Variants in FAM135A observed in about 807,000 individuals in gnomAD.
The protein encoded by FAM135A is family with sequence similarity 135 member A.
FAM135A carries 79 observed loss-of-function variants against 146.8 expected under a neutral mutation model. The ratio of observed to expected loss-of-function variants is 0.54; its 90% CI spans 0.45 to 0.65. The LOEUF (loss-of-function observed/expected upper bound fraction) is 0.65, where lower values mean the gene tolerates loss of function less well. Among genes scored for constraint, FAM135A ranks in the 30% least tolerant of loss-of-function variants. The pLI, the probability that FAM135A is intolerant of heterozygous loss-of-function variation, is 0.00. For missense variants in FAM135A, 1,623 were observed against 1,758.2 expected (o/e 0.92, Z 1.38); for synonymous variants, 562 against 603.6 (o/e 0.93, Z 1.01).
In FAM135A at chr6:70,475,693, C is replaced by G; in HGVS notation, c.328C>G (p.Leu110Val). The stretch of plus-strand genomic sequence containing the variant: ...AGAAACCCTTGAGGAAATGAATTTT[C>G]TATTATCCTTGGATCTACACTTCAC... ...IEETLEEMNF[L>V]LSLDLHFTDG... The change falls in exon 7 of 22, where the codon CTA (leucine) becomes GTA (valine). Residue 110 changes from leucine (L) to valine (V), a missense_variant. Transcript: ENST00000418814. The G allele has an allele frequency of 6.5e-7, 1 of 1,542,558 alleles. No individual in the cohort carries two copies. The highest frequency in any genetic ancestry group is 8.8e-7 in the Non-Finnish European group (1 of 1,142,754).
chr6:70,459,001 T>C (rs1778913476), intron 5 of FAM135A, among the ~76,000 whole-genome samples: 1 of 152,192 alleles, frequency 6.6e-6, no homozygotes, highest in Admixed American at 6.5e-5. Flanking sequence ...TTTAACTGAC[T>C]TTTAATAAAT....
At chr6:70,443,556 T>G (rs1200649208) in intron 4 of FAM135A, among the ~76,000 whole-genome samples, 1 of 152,236 alleles carries the variant, frequency 6.6e-6, no homozygotes, top group African/African-American at 2.4e-5. Context: ...TTTCTCAGAA[T>G]GTATTCCTGT....
chr6:70,437,951 A>G (rs932266740), intron 4 of FAM135A, among the ~76,000 whole-genome samples: 8 of 152,190 alleles, frequency 5.3e-5, no homozygotes, highest in African/African-American at 1.9e-4. Context: ...AAAATTTTTA[A>G]TCATTCTTTC....
chr6:70,448,418 G>A (rs776365106), intron 4 of FAM135A, among the ~76,000 whole-genome samples: 1 of 152,146 alleles, frequency 6.6e-6, no homozygotes, highest in Non-Finnish European at 1.5e-5. Flanking sequence ...TGATGCTTCT[G>A]AGCTCCCCTT....
chr6:70,464,549 CT>C (rs1780001711), intron 5 of FAM135A, among the ~76,000 whole-genome samples: 2 of 151,700 alleles, frequency 1.3e-5, no homozygotes, highest in Non-Finnish European at 2.9e-5. Flanking sequence ...ACGTTTAGGT[CT>C]TTTGTTTCCC....
intron 3 of FAM135A, among the ~76,000 whole-genome samples, chr6:70,427,699 T>G (rs1043814170): frequency 2.0e-5 from 3 of 152,210 alleles, no homozygotes; most frequent in Admixed American, 6.5e-5. Context: ...AAGTATGTAT[T>G]TCAGTGGATG....
chr6:70,489,713 T>A (rs1785493431), intron 10 of FAM135A, among the ~76,000 whole-genome samples: 1 of 152,176 alleles, frequency 6.6e-6, no homozygotes, highest in African/African-American at 2.4e-5. Context: ...CAATCATGTT[T>A]TAGATGATCC....
intron 15 of FAM135A, 64 bp downstream of exon 15, chr6:70,526,762 C>CACAG: frequency 7.8e-6 from 5 of 644,770 alleles, no homozygotes; most frequent in Non-Finnish European, 9.2e-6. Context: ...CACACACACA[C>CACAG]ACATACACAC....
At chr6:70,499,959 G>A (rs933781989) in intron 11 of FAM135A, among the ~76,000 whole-genome samples, 1 of 151,880 alleles carries the variant, frequency 6.6e-6, no homozygotes, top group African/African-American at 2.4e-5. Flanking sequence ...GTGTTCTTGG[G>A]GTTGCTCTTC....
chr6:70,443,903 CT>C (rs1460444383), intron 4 of FAM135A, among the ~76,000 whole-genome samples: 1 of 152,046 alleles, frequency 6.6e-6, no homozygotes, highest in Non-Finnish European at 1.5e-5. Context: ...TTAAATTTTC[CT>C]TGGTAATTCC....
chr6:70,526,750 TACACACACAC>T, intron 15 of FAM135A, 52 bp downstream of exon 15: 1 of 851,302 alleles, frequency 1.2e-6, no homozygotes, highest in Non-Finnish European at 1.7e-6. Flanking sequence ...CATATATATA[TACACACACAC>T]ACACATACAC....
At chr6:70,444,065 C>T (rs556284208) in intron 4 of FAM135A, among the ~76,000 whole-genome samples, 41 of 152,228 alleles carry the variant, frequency 2.7e-4, no homozygotes, top group Admixed American at 1.3e-3. Flanking sequence ...ATTTTTTTAT[C>T]GCTTACTTCA....
intron 2 of FAM135A, among the ~76,000 whole-genome samples, chr6:70,417,316 C>T (rs1020399326): frequency 1.3e-5 from 2 of 150,656 alleles, no homozygotes; most frequent in African/African-American, 2.4e-5. Flanking sequence ...CGGATTCAAG[C>T]GATTCATGTG....
chr6:70,559,658 T>C, intron 21 of FAM135A, 58 bp from the exon 22 acceptor site: 1 of 1,397,014 alleles, frequency 7.2e-7, no homozygotes, highest in East Asian at 2.4e-5. Flanking sequence ...TTGGCATAGT[T>C]TTTTTATTTT....
chr6:70,529,250 GC>G (rs910350557), intron 16 of FAM135A, among the ~76,000 whole-genome samples: 49 of 151,958 alleles, frequency 3.2e-4, no homozygotes, highest in African/African-American at 1.2e-3. Flanking sequence ...TTTTATGACA[GC>G]TGTTTTGGTT....
At chr6:70,497,475 G>A (rs142778071) in intron 11 of FAM135A, among the ~76,000 whole-genome samples, 3 of 152,128 alleles carry the variant, frequency 2.0e-5, no homozygotes, top group Non-Finnish European at 2.9e-5. Context: ...CTTCCTATTT[G>A]AATACGTTTT....
In FAM135A at chr6:70,538,373, T is replaced by G; in HGVS notation, c.4200T>G (p.Thr1400=). The G allele has an allele frequency of 2.0e-6, 3 of 1,508,112 alleles. No homozygotes were observed. The highest frequency in any genetic ancestry group is 2.7e-6 in the Non-Finnish European group (3 of 1,121,318). 93.4% of individuals were successfully genotyped at this position (1,508,112 alleles called of 1,614,324 possible). A position where few individuals can be genotyped will look rare whatever the true frequency, so the allele number is the denominator to read the frequency against. The change falls in exon 20 of 22, where the codon ACT becomes ACG. Residue 1400 remains threonine, a synonymous_variant. Coordinates refer to ENST00000418814, the MANE Select transcript of FAM135A (RefSeq NM_001162529.3). ...TCRDHSDPRQ[T]FLYKLSNKAG... ...GAGATCACTCAGACCCTCGCCAAAC[T>G]TTTTTATATAAGCTTAGTAACAAAG...
At chr6:70,513,016 A>G (rs1791390355) in intron 12 of FAM135A, among the ~76,000 whole-genome samples, 1 of 151,250 alleles carries the variant, frequency 6.6e-6, no homozygotes, top group Non-Finnish European at 1.5e-5. Flanking sequence ...TTTTGACATC[A>G]TTTATTGAAA....
At chr6:70,512,059 C>G (rs546813087) in intron 12 of FAM135A, among the ~76,000 whole-genome samples, 1 of 151,948 alleles carries the variant, frequency 6.6e-6, no homozygotes, top group Non-Finnish European at 1.5e-5. Flanking sequence ...GAAAACTACT[C>G]AATACTTCAA....
Sources: gnomAD v4.1 joint callset for allele counts (sites outside exome capture counted in the v4.1 genomes callset) on GRCh38, gnomAD v4.1.1 for gene constraint, MANE v1.5 for transcripts, NCBI Gene and HGNC (gene_info 2026-07-23, HGNC 2026-07-21) for gene names.